ABCB1: variants seen among roughly 807,000 people sequenced by gnomAD.
The protein encoded by ABCB1 is ATP binding cassette subfamily B member 1.
ABCB1 carries 69 observed loss-of-function variants against 142.0 expected under a neutral mutation model. The ratio of observed to expected loss-of-function variants is 0.49; its 90% CI spans 0.40 to 0.59. The LOEUF (loss-of-function observed/expected upper bound fraction) is 0.59. Ranked by LOEUF, ABCB1 falls within the 20% of genes least tolerant of loss-of-function variation. The pLI, the probability that ABCB1 is intolerant of heterozygous loss-of-function variation, is 0.00. For missense variants in ABCB1, 1,326 were observed against 1,554.7 expected (o/e 0.85, Z 2.47); for synonymous variants, 532 against 539.2 (o/e 0.99, Z 0.18).
At chr7:87,573,627 C>T (rs1461545757) in intron 4 of ABCB1, among the ~76,000 whole-genome samples, 1 of 152,140 alleles carries the variant, frequency 6.6e-6, no homozygotes, top group Non-Finnish European at 1.5e-5. Context: ...CATTGATAAC[C>T]TTCAATGACA....
At chr7:87,629,022 G>C in intron 1 of ABCB1, 1 of 1,248,734 alleles carries the variant, frequency 8.0e-7, no homozygotes, top group Non-Finnish European at 1.0e-6. Flanking sequence ...GGTCCTTGGG[G>C]GTCCCGGGCA....
intron 21 of ABCB1, among the ~76,000 whole-genome samples, chr7:87,530,625 T>A (rs1339572275): frequency 2.0e-5 from 3 of 151,334 alleles, no homozygotes; most frequent in Non-Finnish European, 4.4e-5. Flanking sequence ...AGAAATAGGA[T>A]GAAGGGAGGA....
chr7:87,560,180 G>C (rs188507788), intron 8 of ABCB1, among the ~76,000 whole-genome samples: 147 of 152,222 alleles, frequency 9.7e-4, no homozygotes, highest in Non-Finnish European at 1.5e-3. Flanking sequence ...CAGTCATTAA[G>C]CAGGACTCCT....
intron 20 of ABCB1, among the ~76,000 whole-genome samples, chr7:87,534,928 A>AAAAC: frequency 7.1e-6 from 1 of 141,326 alleles, no homozygotes; most frequent in African/African-American, 2.6e-5. Context: ...AAAAAAAAAA[A>AAAAC]AAAAAAAAAA....
intron 3 of ABCB1, among the ~76,000 whole-genome samples, chr7:87,587,687 C>G (rs915640487): frequency 2.0e-5 from 3 of 151,876 alleles, no homozygotes; most frequent in African/African-American, 4.8e-5. Context: ...CTGGCTAACA[C>G]AGTGAAACCC....
chr7:87,556,977 A>G lies in ABCB1; in HGVS notation c.828-3045T>C, dbSNP rs139319005. On this transcript the variant is annotated intron_variant, in intron 8 of 27. Transcript: ENST00000622132. Reference sequence around the variant, plus strand: ...ACTTGGAAGACTCTTCTTCAAACCCATCCCATCTCTGTTCCCACCATGGCT... The same window carrying G: ...ACTTGGAAGACTCTTCTTCAAACCCGTCCCATCTCTGTTCCCACCATGGCT... 9.9e-4 allele frequency among the ~76,000 whole-genome samples: 151 copies of G among 151,960 alleles called. 1 individual carries two copies. The South Asian group carries it at 0.017, about 18-fold the overall frequency.
At chr7:87,506,224 C>T in intron 26 of ABCB1, 181 bp from the exon 27 acceptor site, 1 of 616,050 alleles carries the variant, frequency 1.6e-6, no homozygotes, top group Admixed American at 2.9e-5. Flanking sequence ...GGTTTACTAT[C>T]TATTTGAAAA....
intron 1 of ABCB1, among the ~76,000 whole-genome samples, chr7:87,710,886 T>C (rs1830012071): frequency 6.6e-6 from 1 of 152,250 alleles, no homozygotes; most frequent in African/African-American, 2.4e-5. Flanking sequence ...ATCCTTTTTC[T>C]AAATCATTTC....
intron 1 of ABCB1, among the ~76,000 whole-genome samples, chr7:87,679,006 A>T (rs1826647093): frequency 6.6e-6 from 1 of 152,012 alleles, no homozygotes; most frequent in Non-Finnish European, 1.5e-5. Flanking sequence ...ATAATAGTAG[A>T]TCAAGTAAAC....
At chr7:87,695,995 C>A (rs780039940) in intron 1 of ABCB1, among the ~76,000 whole-genome samples, 3 of 152,016 alleles carry the variant, frequency 2.0e-5, no homozygotes, top group Non-Finnish European at 2.9e-5. Flanking sequence ...AACAGATTGT[C>A]TTTTAGTCTA....
chr7:87,575,093 C>T lies in ABCB1; in HGVS notation c.287-4870G>A, dbSNP rs1041183066. On this transcript the variant is annotated intron_variant, in intron 4 of 27. Transcript: ENST00000622132. ...AAGAGAGATACATTAGACCTTTCTA[C>T]CTGGCAAGAAAAGCCTTTTCTAAAC... is the stretch of plus-strand genomic sequence containing the variant. Among the ~76,000 whole-genome samples the T allele has an allele frequency of 5.3e-5, 8 of 152,152 alleles. No homozygotes were observed. The East Asian group carries it at 1.5e-3, about 29-fold the overall frequency.
intron 4 of ABCB1, among the ~76,000 whole-genome samples, chr7:87,575,513 T>C (rs186619521): frequency 3.3e-5 from 5 of 152,330 alleles, no homozygotes; most frequent in Admixed American, 6.5e-5. Flanking sequence ...AGCACAGTTT[T>C]TCCCAGGAAC....
Position 87,521,665 on chromosome 7 carries a change from G to T in ABCB1, c.2686-789C>A, listed in dbSNP as rs1815515762. The T allele has an allele frequency of 5.8e-6, 5 of 855,736 alleles. No individual in the cohort carries two copies. In the Admixed American group the frequency reaches 6.8e-5, roughly 12 times the overall value. The allele number at this position is 855,736 out of a possible 1,614,324, so 53.0% of individuals were successfully genotyped here. On this transcript the variant is annotated intron_variant, in intron 21 of 27. Coordinates refer to ENST00000622132, the MANE Select transcript of ABCB1 (RefSeq NM_001348946.2). ...TGTCACATATGCCACTGTGGAGGAGGTGGATGCAGCCATGAATGCAAGGCC... is the reference window on the plus strand; with the variant it reads ...TGTCACATATGCCACTGTGGAGGAGTTGGATGCAGCCATGAATGCAAGGCC...
intron 7 of ABCB1, among the ~76,000 whole-genome samples, chr7:87,561,698 A>G (rs995959464): frequency 3.3e-5 from 5 of 152,188 alleles, no homozygotes; most frequent in African/African-American, 1.2e-4. Context: ...AAGATTACAC[A>G]TGACAGGCCA....
rs375881656 is a variant in ABCB1, at chr7:87,553,482, G to A, written c.999+279C>T. On this transcript the variant is annotated intron_variant, in intron 9 of 27. Coordinates refer to ENST00000622132, the MANE Select transcript of ABCB1 (RefSeq NM_001348946.2). ...ACTACAGGCGCCCGCCACCACGCCC[G>A]GCTAATTTTTTGTATTTTTTGTAGA... 5.7e-4 allele frequency among the ~76,000 whole-genome samples: 87 copies of A among 151,880 alleles called. 1 individual carries two copies. In the East Asian group the frequency reaches 0.01, roughly 18 times the overall value.
intron 4 of ABCB1, among the ~76,000 whole-genome samples, chr7:87,580,885 G>A (rs765430490): frequency 3.0e-4 from 46 of 151,804 alleles, no homozygotes; most frequent in Non-Finnish European, 5.9e-4. Flanking sequence ...GGGGAAGAGT[G>A]GTGCAGGCAA....
chr7:87,674,004 T>A (rs921991133), intron 1 of ABCB1, among the ~76,000 whole-genome samples: 1 of 152,202 alleles, frequency 6.6e-6, no homozygotes, highest in Admixed American at 6.5e-5. Flanking sequence ...TCCTCGGCTG[T>A]GTGCTATAAC....
At chr7:87,634,486 G>A (rs1327943937) in intron 1 of ABCB1, among the ~76,000 whole-genome samples, 1 of 125,622 alleles carries the variant, frequency 8.0e-6, no homozygotes, top group Non-Finnish European at 1.7e-5. Context: ...AGGCGTGGTG[G>A]TGGGGGGTGG....
chr7:87,604,632 A>T (rs1342475013), upstream of ABCB1, among the ~76,000 whole-genome samples: 1 of 152,188 alleles, frequency 6.6e-6, no homozygotes, highest in African/African-American at 2.4e-5. Flanking sequence ...ATTGAAAAAA[A>T]AATCCAGATT....
Sources: gnomAD v4.1 joint callset for allele counts (sites outside exome capture counted in the v4.1 genomes callset) on GRCh38, gnomAD v4.1.1 for gene constraint, MANE v1.5 for transcripts, NCBI Gene and HGNC (gene_info 2026-07-23, HGNC 2026-07-21) for gene names.